TET2: variants seen among roughly 807,000 people sequenced by gnomAD.
The protein encoded by TET2 is tet methylcytosine dioxygenase 2.
Under a neutral mutation model 142.9 loss-of-function variants are expected in TET2, and 299 were observed. That is an observed-to-expected ratio of 2.09 (90% CI 1.90 to 2.30). The LOEUF (loss-of-function observed/expected upper bound fraction) is 2.30. Among genes scored for constraint, TET2 ranks in the 30% most tolerant of loss-of-function variants. The pLI, the probability that TET2 is intolerant of heterozygous loss-of-function variation, is 0.00. For missense variants in TET2, 2,418 were observed against 2,378.0 expected (o/e 1.02, Z -0.35); for synonymous variants, 819 against 849.0 (o/e 0.96, Z 0.61).
Position 105,236,010 on chromosome 4 carries a change from C to T in TET2, c.2068C>T (p.Gln690Ter), listed in dbSNP as rs1434717937. 1 of 1,614,144 alleles carries T rather than the reference C, an allele frequency of 6.2e-7. No homozygotes were observed. The highest frequency in any genetic ancestry group is 1.7e-5 in the Admixed American group (1 of 60,016). Residue 690 changes from glutamine to a stop codon, truncating the protein, a stop_gained, in exon 3 of 11, where the codon CAA (glutamine) becomes TAA (stop). Coordinates refer to ENST00000380013, the MANE Select transcript of TET2 (RefSeq NM_001127208.3). LOFTEE classifies it high-confidence loss of function. ...RFHFQQRADS[Q>*]TEKLMSPVLK... ...TCATTTTCAACAAAGAGCAGATTCCCAAACTGAAAAACTTATGTCCCCAGT... is the reference window on the plus strand; with the variant it reads ...TCATTTTCAACAAAGAGCAGATTCCTAAACTGAAAAACTTATGTCCCCAGT...
chr4:105,243,943 A>G (rs1729452034), intron 6 of TET2, among the ~76,000 whole-genome samples, 165 bp downstream of exon 6: 3 of 152,216 alleles, frequency 2.0e-5, no homozygotes. Context: ...GCTAATGTGA[A>G]TAACTTGAGA....
At chr4:105,262,084 A>G (rs1228020302) in intron 8 of TET2, among the ~76,000 whole-genome samples, 3 of 152,220 alleles carry the variant, frequency 2.0e-5, no homozygotes, top group East Asian at 3.9e-4. Flanking sequence ...AGGCTGTTCT[A>G]TCTACTAATC....
intron 3 of TET2, chr4:105,240,403 G>A: frequency 9.3e-7 from 1 of 1,071,966 alleles, no homozygotes; most frequent in South Asian, 4.6e-5. Flanking sequence ...GCTGATGGAT[G>A]TAGATATATA....
intron 1 of TET2, among the ~76,000 whole-genome samples, chr4:105,190,024 G>A (rs923030687): frequency 6.6e-6 from 1 of 152,122 alleles, no homozygotes; most frequent in Admixed American, 6.6e-5. Flanking sequence ...TCTTACCTAG[G>A]TGATACTCTT....
At chr4:105,206,288 C>T (rs1019885548) in intron 2 of TET2, among the ~76,000 whole-genome samples, 7 of 152,244 alleles carry the variant, frequency 4.6e-5, no homozygotes, top group African/African-American at 1.7e-4. Flanking sequence ...GTAAGACATA[C>T]CCATGTTTCC....
chr4:105,242,802 T>C, intron 4 of TET2, 32 bp from the exon 5 acceptor site: 1 of 1,543,380 alleles, frequency 6.5e-7, no homozygotes, highest in South Asian at 1.2e-5. Flanking sequence ...TTGCTAATTG[T>C]ATGTGTGTGT....
At chr4:105,166,814 G>A (rs1724177127) in intron 1 of TET2, among the ~76,000 whole-genome samples, 1 of 151,984 alleles carries the variant, frequency 6.6e-6, no homozygotes, top group South Asian at 2.1e-4. Context: ...ATAGATATCT[G>A]ATGCCAGTCT....
At chr4:105,179,140 TATTATGGAG>T (rs1412262418) in intron 1 of TET2, among the ~76,000 whole-genome samples, 3 of 152,094 alleles carry the variant, frequency 2.0e-5, no homozygotes, top group Non-Finnish European at 2.9e-5. Flanking sequence ...GACACATGGG[TATTATGGAG>T]ATTATGGGGA....
At chr4:105,248,812 TC>T (rs780510887) in intron 6 of TET2, among the ~76,000 whole-genome samples, 1 of 152,002 alleles carries the variant, frequency 6.6e-6, no homozygotes, top group Non-Finnish European at 1.5e-5. Flanking sequence ...CACTTCCCCT[TC>T]TCCCCTTCTT....
intron 4 of TET2, chr4:105,241,865 GTTTTC>G: frequency 8.0e-7 from 1 of 1,245,014 alleles, no homozygotes; most frequent in Non-Finnish European, 1.0e-6. Context: ...TTATCTCTAA[GTTTTC>G]TTTTACCATA....
At chr4:105,224,051 C>A (rs1305442042) in intron 2 of TET2, among the ~76,000 whole-genome samples, 7 of 151,350 alleles carry the variant, frequency 4.6e-5, no homozygotes, top group African/African-American at 9.7e-5. Context: ...AGTATGGCAA[C>A]TATACAAATC....
At chr4:105,232,585 T>C (rs1347711099) in intron 2 of TET2, among the ~76,000 whole-genome samples, 2 of 152,112 alleles carry the variant, frequency 1.3e-5, no homozygotes, top group African/African-American at 2.4e-5. Context: ...TTTAGAGTCA[T>C]TGGGCAAATA....
chr4:105,210,878 T>C (rs550397141), intron 2 of TET2, among the ~76,000 whole-genome samples: 56 of 152,338 alleles, frequency 3.7e-4, no homozygotes, highest in Admixed American at 6.5e-4. Flanking sequence ...TTTTATACTT[T>C]TAATTCATTG....
intron 1 of TET2, among the ~76,000 whole-genome samples, chr4:105,173,523 ACTCT>A (rs560882518): frequency 4.5e-4 from 68 of 152,196 alleles, no homozygotes; most frequent in African/African-American, 1.6e-3. Context: ...AAAGAGGGAG[ACTCT>A]CTCTCAAACA....
intron 3 of TET2, chr4:105,238,415 C>T (rs1259112628): frequency 8.2e-6 from 2 of 242,980 alleles, no homozygotes; most frequent in African/African-American, 4.4e-5. Flanking sequence ...TAACCCACAG[C>T]AGAATTTCTT....
intron 2 of TET2, among the ~76,000 whole-genome samples, chr4:105,200,294 G>A (rs945965314): frequency 1.7e-4 from 26 of 151,606 alleles, no homozygotes; most frequent in Non-Finnish European, 1.5e-5. Flanking sequence ...AATGATCAGT[G>A]ATGTTGAGCT....
intron 1 of TET2, among the ~76,000 whole-genome samples, chr4:105,176,547 C>T (rs1032253933): frequency 2.0e-5 from 3 of 151,848 alleles, no homozygotes; most frequent in Non-Finnish European, 4.4e-5. Flanking sequence ...CATTAGCACC[C>T]CAAGAAATGA....
intron 1 of TET2, among the ~76,000 whole-genome samples, chr4:105,156,163 C>T (rs1006150940): frequency 2.5e-4 from 38 of 152,254 alleles, no homozygotes; most frequent in African/African-American, 8.9e-4. Context: ...TTTTAATGCA[C>T]TTCCAAAAAA....
At chr4:105,239,076 T>TTTTTTGTTTTTG (rs1041269173) in intron 3 of TET2, 9 of 233,002 alleles carry the variant, frequency 3.9e-5, no homozygotes, top group Non-Finnish European at 7.2e-5. Context: ...TGTTTTTTGT[T>TTTTTTGTTTTTG]TTTTTTTTTT....
Sources: gnomAD v4.1 joint callset for allele counts (sites outside exome capture counted in the v4.1 genomes callset) on GRCh38, gnomAD v4.1.1 for gene constraint, MANE v1.5 for transcripts, NCBI Gene and HGNC (gene_info 2026-07-23, HGNC 2026-07-21) for gene names.